The following PLCB1 variants were observed in gnomAD, a reference collection of about 807,000 sequenced individuals.
PLCB1 encodes the protein phospholipase C beta 1, also known as 1-phosphatidylinositol 4,5-bisphosphate phosphodiesterase beta-1.
Under a neutral mutation model 161.8 loss-of-function variants are expected in PLCB1, and 46 were observed. The ratio of observed to expected loss-of-function variants is 0.28; its 90% CI spans 0.22 to 0.36. PLCB1 has a LOEUF of 0.36. Ranked by LOEUF, PLCB1 falls within the 10% of genes least tolerant of loss-of-function variation. The probability of loss-of-function intolerance (pLI) is 1.00; values close to 1 mark genes in which losing one functional copy is unlikely to be tolerated. For missense variants in PLCB1, 1,016 were observed against 1,472.5 expected, an observed-to-expected ratio of 0.69 and a Z score of 5.07; for synonymous variants, 517 against 503.7, an observed-to-expected ratio of 1.03 and a Z score of -0.35.
chr20:8,504,192 C>G (rs997271584), intron 3 of PLCB1, among the ~76,000 whole-genome samples: 1 of 152,176 alleles, frequency 6.6e-6, no homozygotes, highest in Non-Finnish European at 1.5e-5. Flanking sequence ...CACCTCCACT[C>G]TAAGGCCCAG....
intron 2 of PLCB1, among the ~76,000 whole-genome samples, chr20:8,325,380 T>G (rs1285537923): frequency 6.6e-6 from 1 of 152,208 alleles, no homozygotes; most frequent in Non-Finnish European, 1.5e-5. Flanking sequence ...TATGTTTCAC[T>G]GGAAAATTTA....
chr20:8,387,325 G>A (rs1008656666), intron 3 of PLCB1, among the ~76,000 whole-genome samples: 2 of 152,074 alleles, frequency 1.3e-5, no homozygotes, highest in Non-Finnish European at 2.9e-5. Context: ...GTTATTAACT[G>A]GCCTAATTTC....
At chr20:8,246,031 G>T (rs534252263) in intron 2 of PLCB1, among the ~76,000 whole-genome samples, 1 of 151,836 alleles carries the variant, frequency 6.6e-6, no homozygotes, top group Non-Finnish European at 1.5e-5. Context: ...GATGTTCACC[G>T]TACCTTTTAT....
At chr20:8,489,666 G>C (rs964920705) in intron 3 of PLCB1, among the ~76,000 whole-genome samples, 1 of 152,164 alleles carries the variant, frequency 6.6e-6, no homozygotes, top group African/African-American at 2.4e-5. Context: ...ACGCAGTACA[G>C]GACTTGGCAG....
At position 8,860,814 on chromosome 20, in the gene PLCB1, A is replaced by G. The variant is rs1027450664; in HGVS notation, c.3424-20808A>G. Among the ~76,000 whole-genome samples, 5 of 152,358 alleles carry G rather than the reference A, an allele frequency of 3.3e-5. No individual in the cohort carries two copies. In the East Asian group the frequency reaches 9.6e-4, roughly 29 times the overall value. ...TTCATATACTGACAGAACAATCATT[A>G]ATTAGTTTTCAAACTAGTTTTGATT... On this transcript the variant is annotated intron_variant, in intron 31 of 31. Transcript: ENST00000338037.
intron 2 of PLCB1, among the ~76,000 whole-genome samples, chr20:8,165,468 A>C (rs571182608): frequency 1.1e-4 from 17 of 152,296 alleles, no homozygotes; most frequent in African/African-American, 4.1e-4. Flanking sequence ...CCAATTTAGA[A>C]TGAAACCCTC....
At chr20:8,863,691 A>G (rs566676920) in intron 31 of PLCB1, among the ~76,000 whole-genome samples, 2 of 152,324 alleles carry the variant, frequency 1.3e-5, no homozygotes, top group East Asian at 3.9e-4. Context: ...TTATAACCAA[A>G]AGAAGTACAT....
chr20:8,183,772 C>T (rs1047914332), intron 2 of PLCB1, among the ~76,000 whole-genome samples: 5 of 152,052 alleles, frequency 3.3e-5, no homozygotes, highest in Non-Finnish European at 7.4e-5. Context: ...CACAGGTTTC[C>T]ATATGTTTTT....
In PLCB1 at chr20:8,276,986, C is replaced by CTTCTTCTTCTTA. The variant is rs869194352; in HGVS notation, c.178-94394_178-94393insCTTCTTCTTATT. ...TCTTCTTCTTCTTCTTCTTCTTCTT[C>CTTCTTCTTCTTA]TTATTATTATTATTATTATTATTAT... On this transcript the variant is annotated intron_variant, in intron 2 of 31. Transcript: ENST00000338037. Among the ~76,000 whole-genome samples, 240 of 93,296 alleles carry CTTCTTCTTCTTA rather than the reference C, an allele frequency of 2.6e-3. 1 individual carries two copies. The highest frequency in any genetic ancestry group is 8.0e-3 in the East Asian group (23 of 2,878). 61.2% of individuals were successfully genotyped at this position (93,296 alleles called of 152,430 possible).
rs879313353 is a variant in PLCB1, at chr20:8,786,236, C to T, written c.3112-2213C>T. Among the ~76,000 whole-genome samples, 16 of 152,104 alleles carry T rather than the reference C, an allele frequency of 1.1e-4. 1 individual carries two copies. The highest frequency in any genetic ancestry group is 3.1e-4 in the African/African-American group (13 of 41,420). ...GAGGACACTTTCAGCTAAATAGAGA[C>T]GTTGCAGGAGACCCCAAGGAAATGG... On this transcript the variant is annotated intron_variant, in intron 27 of 31. Coordinates refer to ENST00000338037, the MANE Select transcript of PLCB1 (RefSeq NM_015192.4).
chr20:8,681,119 T>TATAAAA (rs1485697576), intron 9 of PLCB1, among the ~76,000 whole-genome samples: 1 of 82,094 alleles, frequency 1.2e-5, no homozygotes, highest in African/African-American at 5.9e-5. Flanking sequence ...TATATATATA[T>TATAAAA]AATATATATA....
chr20:8,262,859 A>C (rs1981772676), intron 2 of PLCB1, among the ~76,000 whole-genome samples: 1 of 150,338 alleles, frequency 6.7e-6, no homozygotes, highest in African/African-American at 2.4e-5. Flanking sequence ...TGAGGGAGAA[A>C]GAGAATGAGA....
chr20:8,441,397 A>C (rs947919408), intron 3 of PLCB1, among the ~76,000 whole-genome samples: 1 of 152,208 alleles, frequency 6.6e-6, no homozygotes, highest in Non-Finnish European at 1.5e-5. Flanking sequence ...ATTTGCTTCA[A>C]GAGAAAATTG....
chr20:8,508,906 A>T (rs1285857204), intron 3 of PLCB1, among the ~76,000 whole-genome samples: 1 of 152,140 alleles, frequency 6.6e-6, no homozygotes, highest in Non-Finnish European at 1.5e-5. Flanking sequence ...AGATTATTTT[A>T]CTACTGACAT....
chr20:8,378,326 G>C (rs370818981), intron 3 of PLCB1, among the ~76,000 whole-genome samples: 9 of 152,168 alleles, frequency 5.9e-5, no homozygotes, highest in East Asian at 5.8e-4. Flanking sequence ...TTGCAGATTT[G>C]GTTCCGGAAC....
At chr20:8,202,319 G>A (rs1174512711) in intron 2 of PLCB1, among the ~76,000 whole-genome samples, 10 of 152,168 alleles carry the variant, frequency 6.6e-5, no homozygotes, top group South Asian at 2.1e-4. Context: ...CAAGTGATCC[G>A]CTTACCTCCG....
At chr20:8,832,595 A>G (rs946552789) in intron 31 of PLCB1, among the ~76,000 whole-genome samples, 1 of 152,186 alleles carries the variant, frequency 6.6e-6, no homozygotes, top group African/African-American at 2.4e-5. Flanking sequence ...TTGCCTTTCC[A>G]TGGATTAGAG....
intron 4 of PLCB1, among the ~76,000 whole-genome samples, chr20:8,635,621 G>C (rs556052389): frequency 1.3e-5 from 2 of 152,260 alleles, no homozygotes; most frequent in African/African-American, 4.8e-5. Flanking sequence ...CTACCCAGCA[G>C]TTACTCCACG....
intron 9 of PLCB1, among the ~76,000 whole-genome samples, chr20:8,661,402 C>A (rs151223272): frequency 1.6e-4 from 24 of 152,196 alleles, no homozygotes; most frequent in Non-Finnish European, 2.8e-4. Flanking sequence ...TGGAGTCCAA[C>A]GGCTAGAATA....
Sources: gnomAD v4.1 joint callset for allele counts (sites outside exome capture counted in the v4.1 genomes callset) on GRCh38, gnomAD v4.1.1 for gene constraint, MANE v1.5 for transcripts, NCBI Gene and HGNC (gene_info 2026-07-23, HGNC 2026-07-21) for gene names.